Variants in RPS6KB2 observed in about 807,000 individuals in gnomAD.
The protein encoded by RPS6KB2 is ribosomal protein S6 kinase B2, also known as ribosomal protein S6 kinase beta-2.
RPS6KB2 carries 51 observed loss-of-function variants against 58.2 expected under a neutral mutation model. The observed-to-expected ratio is 0.88, with a 90% CI of 0.70 to 1.11. RPS6KB2 has a LOEUF of 1.11. Among genes scored for constraint, RPS6KB2 ranks in the 50% least tolerant of loss-of-function variants. RPS6KB2 has a pLI of 0.00. For synonymous variants in RPS6KB2, 293 were observed against 258.6 expected (o/e 1.13, Z -1.28); for missense variants, 671 against 655.8 (o/e 1.02, Z -0.25).
chr11:67,434,022 A>C lies in RPS6KB2; in HGVS notation c.934A>C (p.Ile312Leu). ...KFLKRNPSQR[I>L]GGGPGDAADV... ...TCTGAAACGGAATCCCAGCCAGCGG[A>C]TTGGGGGTGGCCCAGGGGATGCTGC... is the stretch of plus-strand genomic sequence containing the variant. Residue 312 changes from isoleucine to leucine, a missense_variant, in exon 11 of 15, where the codon ATT becomes CTT. By Grantham distance (5) the Ile-to-Leu change is conservative. Coordinates refer to ENST00000312629, the MANE Select transcript of RPS6KB2 (RefSeq NM_003952.3). 6.2e-7 allele frequency: 1 copy of C among 1,614,118 alleles called. No homozygotes were observed. Among genetic ancestry groups the C allele is most frequent in the Non-Finnish European group, 8.5e-7 (1 of 1,180,020 alleles).
intron 2 of RPS6KB2, 29 bp downstream of exon 2, chr11:67,429,051 G>A (rs1346191959): frequency 2.4e-5 from 38 of 1,613,466 alleles, no homozygotes; most frequent in Admixed American, 3.3e-5. Flanking sequence ...GGGGGAGGGG[G>A]GAATGGAGTG....
rs761599260 is a variant in RPS6KB2, at chr11:67,429,876, C to G, written c.309+281C>G. The G allele has an allele frequency of 1.0e-5, 3 of 295,396 alleles. No homozygotes were observed. The Admixed American group carries it at 1.5e-4, about 14-fold the overall frequency. 18.3% of individuals were successfully genotyped at this position (295,396 alleles called of 1,614,324 possible). A position where few individuals can be genotyped will look rare whatever the true frequency, so the allele number is the denominator to read the frequency against. On this transcript the variant is annotated intron_variant, in intron 4 of 14. Transcript: ENST00000312629. ...TCACCCAGGCTGGAGTGCAGTGACG[C>G]GATTTTGGCTCACTGCCACCTCTGT...
rs780810372 is a variant in RPS6KB2 at position 67,429,042 on chromosome 11, G to A, written c.119+20G>A. On this transcript the variant is annotated intron_variant, in intron 2 of 14. Coordinates refer to ENST00000312629, the MANE Select transcript of RPS6KB2 (RefSeq NM_003952.3). ...CCTAGAGTGAGTGAGGGTCGTGTTG[G>A]GGGAGGGGGGAATGGAGTGGGGAAG... 4 of 1,613,846 alleles carry A rather than the reference G, an allele frequency of 2.5e-6. No individual in the cohort carries two copies. Among genetic ancestry groups the A allele is most frequent in the Non-Finnish European group, 3.4e-6 (4 of 1,179,874 alleles).
chr11:67,433,449 T>C lies in RPS6KB2; in HGVS notation c.906+2T>C, dbSNP rs1402378522. On this transcript the variant is annotated splice_donor_variant, in intron 10 of 14. Coordinates refer to ENST00000312629, the MANE Select transcript of RPS6KB2 (RefSeq NM_003952.3). LOFTEE classifies it high-confidence loss of function. ...GATGCCCGGGACCTTGTCAAAAAGG[T>C]GCAGCTCCCTTCTCTCTTCTCCGGG... 6.2e-7 allele frequency: 1 copy of C among 1,601,922 alleles called. No individual in the cohort carries two copies. The highest frequency in any genetic ancestry group is 1.7e-5 in the Admixed American group (1 of 60,012).
In RPS6KB2 at chr11:67,433,037, G is replaced by A; in HGVS notation, c.702G>A (p.Glu234=). The A allele has an allele frequency of 6.2e-7, 1 of 1,613,290 alleles. No individual in the cohort carries two copies. The highest frequency in any genetic ancestry group is 1.1e-5 in the South Asian group (1 of 91,086). ...CTCACACCTTCTGCGGCACCATTGAGTACATGTAAGTGGCACCTGGCTGGC... is the reference window on the plus strand; with the variant it reads ...CTCACACCTTCTGCGGCACCATTGAATACATGTAAGTGGCACCTGGCTGGC... The part of the protein sequence containing the change: ...AVTHTFCGTI[E]YMAPEILVRS... The change falls in exon 8 of 15, where the codon GAG becomes GAA. Residue 234 remains glutamate, a synonymous_variant. Coordinates refer to ENST00000312629, the MANE Select transcript of RPS6KB2 (RefSeq NM_003952.3).
rs10274 is a variant in RPS6KB2, at chr11:67,435,355, G to A, written c.*186G>A. On this transcript the variant is annotated 3_prime_UTR_variant, in exon 15 of 15. Coordinates refer to ENST00000312629, the MANE Select transcript of RPS6KB2 (RefSeq NM_003952.3). ...ATGGGCACGGAGGGCCGCCCGCCAC[G>A]CCCCGCGCTCAACTGCTCCCGTGGA... 247,324 of 636,066 alleles carry A rather than the reference G, an allele frequency of 0.39. 49,983 individuals are homozygous for A. The highest frequency in any genetic ancestry group is 0.48 in the Admixed American group (15,466 of 32,334). The allele number at this position is 636,066 out of a possible 1,614,324, so 39.4% of individuals were successfully genotyped here.
intron 1 of RPS6KB2, 61 bp downstream of exon 1, chr11:67,428,684 C>G (rs1286790799): frequency 6.7e-7 from 1 of 1,486,882 alleles, no homozygotes; most frequent in Non-Finnish European, 9.1e-7. Context: ...CAGCCGAGGC[C>G]GGAGCGGCGG....
At position 67,434,281 on chromosome 11, in the gene RPS6KB2, C is replaced by T. The variant is rs1486137345; in HGVS notation, c.1047+6C>T. ...CCCCTTTCAGGCCCTGTCTGGTGAG[C>T]AGCAGGGCTGGTGGCCAGTGGCCGG... On this transcript the variant is annotated splice_donor_region_variant and intron_variant, in intron 12 of 14. Coordinates refer to ENST00000312629, the MANE Select transcript of RPS6KB2 (RefSeq NM_003952.3). 9 of 1,612,924 alleles carry T rather than the reference C, an allele frequency of 5.6e-6. No homozygotes were observed. Among genetic ancestry groups the T allele is most frequent in the Middle Eastern group, 3.3e-4 (2 of 6,084 alleles).
At chr11:67,434,899 C>A in intron 14 of RPS6KB2, 90 bp from the exon 15 acceptor site, 1 of 1,299,658 alleles carries the variant, frequency 7.7e-7, no homozygotes, top group African/African-American at 1.5e-5. Context: ...TGTGCCTGGG[C>A]AGGTGGGAAA....
intron 14 of RPS6KB2, 119 bp downstream of exon 14, chr11:67,434,813 C>CT: frequency 9.9e-7 from 1 of 1,008,772 alleles, no homozygotes; most frequent in South Asian, 1.5e-5. Context: ...GTTGCTGTGT[C>CT]TATCATGGGG....
intron 12 of RPS6KB2, 37 bp from the exon 13 acceptor site, chr11:67,434,340 T>C: frequency 6.2e-7 from 1 of 1,610,118 alleles, no homozygotes; most frequent in Non-Finnish European, 8.5e-7. Context: ...TGCATCTTGG[T>C]GCCCTCTGAC....
At chr11:67,433,513 T>C in intron 10 of RPS6KB2, 66 bp downstream of exon 10, 1 of 1,294,908 alleles carries the variant, frequency 7.7e-7, no homozygotes, top group Non-Finnish European at 1.1e-6. Flanking sequence ...TGAGTCTCTC[T>C]GGGCTGTGGG....
chr11:67,434,221 G>A lies in RPS6KB2; in HGVS notation c.993G>A (p.Met331Ile). Reference protein sequence around the residue: ...DVQRHPFFRHMNWDDLLAWRV... With the variant: ...DVQRHPFFRHINWDDLLAWRV... ...AGAGACATCCCTTTTTCCGGCACAT[G>A]AATTGGGACGACCTTCTGGCCTGGC... The change falls in exon 12 of 15, where the codon ATG (methionine) becomes ATA (isoleucine). Residue 331 changes from methionine (M) to isoleucine (I), a missense_variant. Transcript: ENST00000312629. 6.2e-7 allele frequency: 1 copy of A among 1,613,994 alleles called. No homozygotes were observed. Among genetic ancestry groups the A allele is most frequent in the Non-Finnish European group, 8.5e-7 (1 of 1,180,030 alleles).
intron 4 of RPS6KB2, 116 bp downstream of exon 4, chr11:67,429,711 T>G: frequency 1.2e-6 from 1 of 830,022 alleles, no homozygotes; most frequent in African/African-American, 1.7e-5. Flanking sequence ...CTTTGGCGTT[T>G]GCTGGTTTAT....
At chr11:67,429,678 A>G in intron 4 of RPS6KB2, 83 bp downstream of exon 4, 1 of 1,116,578 alleles carries the variant, frequency 9.0e-7, no homozygotes, top group Non-Finnish European at 1.3e-6. Context: ...ACAGCAGGGA[A>G]CACAGTGGAG....
chr11:67,434,581 G>C lies in RPS6KB2; in HGVS notation c.1156-1G>C. 2.5e-6 allele frequency: 4 copies of C among 1,604,032 alleles called. No individual in the cohort carries two copies. The highest frequency in any genetic ancestry group is 3.4e-6 in the Non-Finnish European group (4 of 1,177,038). The stretch of plus-strand genomic sequence containing the variant: ...CGCATGGCCCTGCCTCCGCCCCCCA[G>C]GGCTTCACATACGTGGCGCCGTCTG... On this transcript the variant is annotated splice_acceptor_variant, in intron 13 of 14. Transcript: ENST00000312629. LOFTEE classifies it high-confidence loss of function.
intron 4 of RPS6KB2, chr11:67,429,826 T>A: frequency 2.1e-6 from 1 of 471,702 alleles, no homozygotes; most frequent in Non-Finnish European, 3.8e-6. Flanking sequence ...TATTTTATTT[T>A]TTTTTAAGAC....
chr11:67,432,235 C>T lies in RPS6KB2; in HGVS notation c.458-365C>T, dbSNP rs1638588. 46 of 506,484 alleles carry T rather than the reference C, an allele frequency of 9.1e-5. No homozygotes were observed. The Middle Eastern group carries it at 1.5e-3, about 16-fold the overall frequency. 31.4% of individuals were successfully genotyped at this position (506,484 alleles called of 1,614,324 possible). On this transcript the variant is annotated intron_variant, in intron 5 of 14. Coordinates refer to ENST00000312629, the MANE Select transcript of RPS6KB2 (RefSeq NM_003952.3). ...CAAACCGCGCTTTCTCTGTTCTGTT[C>T]TGTTGGGATTCACTCTGTCTTCCCT...
At chr11:67,431,652 C>G (rs1864026327) in intron 5 of RPS6KB2, 137 bp downstream of exon 5, 1 of 679,700 alleles carries the variant, frequency 1.5e-6, no homozygotes, top group Non-Finnish European at 2.5e-6. Flanking sequence ...TCCTACCCAT[C>G]CATCCATCCA....
Sources: allele counts gnomAD v4.1 joint callset, GRCh38; gene constraint gnomAD v4.1.1; transcripts MANE v1.5; gene names NCBI Gene and HGNC (gene_info 2026-07-23, HGNC 2026-07-21).